Variants in NCKAP1 observed in about 807,000 individuals in gnomAD.
The protein encoded by NCKAP1 is nck-associated protein 1.
In NCKAP1, 21 loss-of-function variants were observed where a neutral mutation model predicts 151.2. The observed-to-expected ratio is 0.14, with a 90% CI of 0.10 to 0.20. NCKAP1 has a LOEUF of 0.20. Ranked by LOEUF, NCKAP1 falls within the 10% of genes least tolerant of loss-of-function variation. NCKAP1 has a pLI of 1.00. For missense variants in NCKAP1, 933 were observed against 1,352.1 expected, an observed-to-expected ratio of 0.69 and a Z score of 4.86; for synonymous variants, 484 against 451.8, an observed-to-expected ratio of 1.07 and a Z score of -0.90.
chr2:182,932,544 T>G (rs1426182651), intron 26 of NCKAP1, among the ~76,000 whole-genome samples: 1 of 152,192 alleles, frequency 6.6e-6, no homozygotes, highest in Admixed American at 6.5e-5. Context: ...TTAGTGATGG[T>G]TGAACAACTC....
chr2:182,975,204 A>G (rs1172144752), intron 15 of NCKAP1, among the ~76,000 whole-genome samples: 1 of 152,198 alleles, frequency 6.6e-6, no homozygotes, highest in Non-Finnish European at 1.5e-5. Flanking sequence ...CCTTTTTAAA[A>G]ACAAAGAGGT....
intron 9 of NCKAP1, among the ~76,000 whole-genome samples, chr2:182,986,579 C>G (rs1205487856): frequency 6.6e-6 from 1 of 152,062 alleles, no homozygotes; most frequent in Non-Finnish European, 1.5e-5. Flanking sequence ...GTCTAAAGTA[C>G]TGACAAAGCT....
chr2:182,925,963 T>G (rs1696635773), intron 30 of NCKAP1, 145 bp from the exon 31 acceptor site: 1 of 420,016 alleles, frequency 2.4e-6, no homozygotes. Flanking sequence ...AGACACATAT[T>G]ATTTTCCTTT....
At chr2:182,944,330 G>A (rs944683062) in intron 23 of NCKAP1, among the ~76,000 whole-genome samples, 1 of 152,050 alleles carries the variant, frequency 6.6e-6, no homozygotes, top group Admixed American at 6.5e-5. Flanking sequence ...GTGTTAAAAA[G>A]AAAGTGTTAA....
intron 17 of NCKAP1, among the ~76,000 whole-genome samples, chr2:182,963,660 T>C (rs1280559456): frequency 1.3e-5 from 2 of 152,134 alleles, no homozygotes; most frequent in East Asian, 3.8e-4. Context: ...GAGGATGGAT[T>C]CAAGACATGA....
chr2:182,952,633 A>G, intron 22 of NCKAP1, 131 bp from the exon 23 acceptor site: 1 of 1,095,094 alleles, frequency 9.1e-7, no homozygotes, highest in Non-Finnish European at 1.3e-6. Flanking sequence ...AGAGTGAAAG[A>G]GAGAATACAA....
intron 16 of NCKAP1, 93 bp from the exon 17 acceptor site, chr2:182,964,901 T>C (rs926092850): frequency 2.1e-5 from 20 of 949,606 alleles, no homozygotes; most frequent in South Asian, 6.3e-5. Flanking sequence ...AGTGAATGAA[T>C]GATAACTGGT....
chr2:182,993,670 C>T (rs1698212539), intron 8 of NCKAP1, among the ~76,000 whole-genome samples: 1 of 151,976 alleles, frequency 6.6e-6, no homozygotes, highest in African/African-American at 2.4e-5. Context: ...GGGAGCTAAA[C>T]ACTGAGTATA....
chr2:183,032,369 T>G (rs1337726642), intron 1 of NCKAP1, among the ~76,000 whole-genome samples: 1 of 152,216 alleles, frequency 6.6e-6, no homozygotes, highest in Admixed American at 6.5e-5. Flanking sequence ...AACACAGTCA[T>G]GCATTGCTTA....
chr2:182,956,291 C>T (rs968675242), intron 20 of NCKAP1, among the ~76,000 whole-genome samples, 171 bp downstream of exon 20: 20 of 152,192 alleles, frequency 1.3e-4, no homozygotes, highest in Non-Finnish European at 2.2e-4. Flanking sequence ...CTGCCCACCT[C>T]GGCCTCCCAA....
intron 22 of NCKAP1, 63 bp downstream of exon 22, chr2:182,952,730 C>T: frequency 1.4e-6 from 2 of 1,453,114 alleles, no homozygotes; most frequent in Non-Finnish European, 1.8e-6. Flanking sequence ...TCTAAAGAAT[C>T]AAGACACTAG....
At chr2:182,928,733 C>A in intron 28 of NCKAP1, 50 bp downstream of exon 28, 1 of 1,263,746 alleles carries the variant, frequency 7.9e-7, no homozygotes, top group Non-Finnish European at 1.1e-6. Flanking sequence ...TTATAAAATA[C>A]CAAAACCCAT....
chr2:182,983,523 T>A (rs992685419), intron 10 of NCKAP1, 141 bp from the exon 11 acceptor site: 1 of 553,820 alleles, frequency 1.8e-6, no homozygotes, highest in South Asian at 2.8e-5. Flanking sequence ...CTTCTATGTG[T>A]CTATCGTTAA....
chr2:182,959,394 A>T (rs1454428074), intron 18 of NCKAP1, among the ~76,000 whole-genome samples: 1 of 152,174 alleles, frequency 6.6e-6, no homozygotes, highest in East Asian at 1.9e-4. Context: ...GGACTCCCAC[A>T]AGCCGGGCTT....
intron 20 of NCKAP1, among the ~76,000 whole-genome samples, chr2:182,954,271 T>A (rs1338074248): frequency 1.3e-5 from 2 of 152,214 alleles, no homozygotes. Flanking sequence ...AAAACAGTTC[T>A]GTTTATATCT....
chr2:182,958,146 T>C (rs1310038996), intron 18 of NCKAP1, among the ~76,000 whole-genome samples: 2 of 152,074 alleles, frequency 1.3e-5, no homozygotes, highest in African/African-American at 2.4e-5. Flanking sequence ...AGACATTTTC[T>C]TTTCTTTTCT....
At chr2:182,947,484 G>A (rs1453295095) in intron 23 of NCKAP1, among the ~76,000 whole-genome samples, 1 of 152,186 alleles carries the variant, frequency 6.6e-6, no homozygotes, top group East Asian at 1.9e-4. Flanking sequence ...ATGCCTGGGT[G>A]AAAAGTGGCT....
At chr2:182,943,140 C>A (rs1356721867) in intron 23 of NCKAP1, among the ~76,000 whole-genome samples, 2 of 152,152 alleles carry the variant, frequency 1.3e-5, no homozygotes, top group Admixed American at 6.5e-5. Flanking sequence ...GTACACATCA[C>A]AATCACCTGT....
In NCKAP1 at chr2:183,006,433, G is replaced by T. The variant is rs546721756; in HGVS notation, c.220-3108C>A. Among the ~76,000 whole-genome samples the T allele has an allele frequency of 4.5e-4, 68 of 152,224 alleles. No individual in the cohort carries two copies. The South Asian group carries it at 4.6e-3, about 10-fold the overall frequency. ...TTAATATTCCCCATTATTACCCATA[G>T]TATTTCTAATAAGAGCTGATATTTA... On this transcript the variant is annotated intron_variant, in intron 2 of 30. Transcript: ENST00000361354.
Sources: gnomAD v4.1 joint callset for allele counts (sites outside exome capture counted in the v4.1 genomes callset) on GRCh38, gnomAD v4.1.1 for gene constraint, MANE v1.5 for transcripts, NCBI Gene and HGNC (gene_info 2026-07-23, HGNC 2026-07-21) for gene names.